The following ZNF385D variants were observed in gnomAD, a reference collection of about 807,000 sequenced individuals.
ZNF385D encodes zinc finger protein 659.
ZNF385D carries 15 observed loss-of-function variants against 35.8 expected under a neutral mutation model. The observed-to-expected ratio is 0.42, with a 90% CI of 0.28 to 0.64. The LOEUF is 0.64. Ranked by LOEUF, ZNF385D falls within the 30% of genes least tolerant of loss-of-function variation. ZNF385D has a pLI of 0.23. For missense variants in ZNF385D, 474 were observed against 494.6 expected (o/e 0.96, Z 0.39); for synonymous variants, 212 against 186.8 (o/e 1.13, Z -1.10).
intron 3 of ZNF385D, among the ~76,000 whole-genome samples, chr3:22,000,313 A>T (rs956678062): frequency 4.6e-5 from 7 of 152,166 alleles, no homozygotes; most frequent in African/African-American, 1.7e-4. Context: ...TCAAAAAAAA[A>T]AAGGCCTTAT....
intron 4 of ZNF385D, among the ~76,000 whole-genome samples, chr3:21,507,999 GC>G (rs1289992703): frequency 5.3e-5 from 8 of 151,996 alleles, no homozygotes; most frequent in African/African-American, 1.7e-4. Context: ...TATATAACTT[GC>G]TTTTTTGTTT....
chr3:22,301,422 T>A lies in ZNF385D; in HGVS notation c.106+71028A>T, dbSNP rs188448916. On this transcript the variant is annotated intron_variant, in intron 2 of 5. Transcript: ENST00000494108. ...TCTTAAAAATTGCGAGGTGAGTGAA[T>A]TTTAAGTCTTCTCACCACAAAGGAA... is the stretch of plus-strand genomic sequence containing the variant. Among the ~76,000 whole-genome samples, 868 of 152,136 alleles carry A rather than the reference T, an allele frequency of 5.7e-3. 10 individuals carry two copies. The highest frequency in any genetic ancestry group is 5.5e-3 in the Non-Finnish European group (371 of 67,934).
intron 4 of ZNF385D, among the ~76,000 whole-genome samples, chr3:21,501,318 T>C (rs1706346389): frequency 6.6e-6 from 1 of 152,212 alleles, no homozygotes; most frequent in East Asian, 1.9e-4. Flanking sequence ...TGTCTTTTTA[T>C]CTAAACTAGC....
intron 1 of ZNF385D, among the ~76,000 whole-genome samples, chr3:21,730,996 T>C (rs2068970055): frequency 6.6e-6 from 1 of 152,216 alleles, no homozygotes; most frequent in African/African-American, 2.4e-5. Flanking sequence ...ATATCTTTAA[T>C]GATATGTCTA....
intron 2 of ZNF385D, among the ~76,000 whole-genome samples, chr3:22,196,788 C>T (rs1411442496): frequency 6.6e-6 from 1 of 152,002 alleles, no homozygotes; most frequent in Non-Finnish European, 1.5e-5. Flanking sequence ...AGTTTTACTA[C>T]ACATTCACCA....
intron 3 of ZNF385D, among the ~76,000 whole-genome samples, chr3:22,061,957 A>G (rs1261380445): frequency 6.6e-6 from 1 of 152,248 alleles, no homozygotes; most frequent in East Asian, 1.9e-4. Flanking sequence ...GTATTGGTGA[A>G]TACCATGCAT....
chr3:21,439,091 T>C (rs534942166), intron 4 of ZNF385D, among the ~76,000 whole-genome samples: 2 of 152,096 alleles, frequency 1.3e-5, no homozygotes, highest in Non-Finnish European at 2.9e-5. Flanking sequence ...CGAAGTGTTT[T>C]ACATACTTAA....
chr3:21,809,987 A>G (rs1182719343), intron 3 of ZNF385D, among the ~76,000 whole-genome samples: 2 of 152,184 alleles, frequency 1.3e-5, no homozygotes, highest in African/African-American at 4.8e-5. Context: ...CATGGATTCC[A>G]TACAATATCT....
chr3:21,898,731 G>T (rs1430410139), intron 3 of ZNF385D, among the ~76,000 whole-genome samples: 1 of 152,056 alleles, frequency 6.6e-6, no homozygotes, highest in Non-Finnish European at 1.5e-5. Flanking sequence ...TGGACTGATT[G>T]ATGAAGCAAC....
At chr3:21,965,201 T>TA (rs1433525137) in intron 3 of ZNF385D, among the ~76,000 whole-genome samples, 2 of 152,206 alleles carry the variant, frequency 1.3e-5, no homozygotes, top group Non-Finnish European at 2.9e-5. Flanking sequence ...ACTCTGACCC[T>TA]AAGTTTCTTT....
intron 3 of ZNF385D, among the ~76,000 whole-genome samples, chr3:21,788,838 G>A (rs1308486112): frequency 6.6e-6 from 1 of 152,154 alleles, no homozygotes. Context: ...GTTCAGAAAT[G>A]TCCAAGGCAC....
intron 1 of ZNF385D, among the ~76,000 whole-genome samples, chr3:21,727,821 C>A (rs780975251): frequency 6.6e-6 from 1 of 152,134 alleles, no homozygotes; most frequent in Non-Finnish European, 1.5e-5. Context: ...TGGGTATATA[C>A]CCCAAGGATT....
At chr3:22,087,675 A>G (rs967208473) in intron 3 of ZNF385D, among the ~76,000 whole-genome samples, 2 of 152,198 alleles carry the variant, frequency 1.3e-5, no homozygotes, top group African/African-American at 4.8e-5. Context: ...TTGAAACAAG[A>G]ATAAACTTCA....
intron 2 of ZNF385D, among the ~76,000 whole-genome samples, chr3:22,178,007 C>A (rs575694625): frequency 9.9e-5 from 15 of 152,242 alleles, no homozygotes; most frequent in Non-Finnish European, 2.1e-4. Context: ...GGGTTGGTTC[C>A]AAGTCTTTGC....
intron 3 of ZNF385D, among the ~76,000 whole-genome samples, chr3:22,166,583 G>C (rs533525309): frequency 6.6e-6 from 1 of 152,172 alleles, no homozygotes; most frequent in African/African-American, 2.4e-5. Flanking sequence ...ACTTTGGTTG[G>C]TTATGAGGAA....
intron 3 of ZNF385D, among the ~76,000 whole-genome samples, chr3:22,141,252 T>C (rs1257416559): frequency 6.6e-6 from 1 of 151,964 alleles, no homozygotes; most frequent in African/African-American, 2.4e-5. Flanking sequence ...TGGCACAGCA[T>C]TGTTCCCAAT....
chr3:21,842,958 T>TA (rs1695771171), intron 3 of ZNF385D, among the ~76,000 whole-genome samples: 1 of 152,076 alleles, frequency 6.6e-6, no homozygotes, highest in African/African-American at 2.4e-5. Context: ...TGCACTGCAT[T>TA]ACATGCAGAA....
chr3:22,078,112 C>T (rs1700557415), intron 3 of ZNF385D, among the ~76,000 whole-genome samples: 1 of 151,950 alleles, frequency 6.6e-6, no homozygotes, highest in African/African-American at 2.4e-5. Context: ...CTCATGAATG[C>T]TAAAAGCATG....
intron 3 of ZNF385D, among the ~76,000 whole-genome samples, chr3:21,524,393 C>T (rs1188097485): frequency 6.6e-6 from 1 of 152,216 alleles, no homozygotes; most frequent in Non-Finnish European, 1.5e-5. Flanking sequence ...TGAACTAAGA[C>T]TCCAACTGAC....
Sources: gnomAD v4.1 joint callset for allele counts (sites outside exome capture counted in the v4.1 genomes callset) on GRCh38, gnomAD v4.1.1 for gene constraint, MANE v1.5 for transcripts, NCBI Gene and HGNC (gene_info 2026-07-23, HGNC 2026-07-21) for gene names.